The following ADGRF5 variants were observed in gnomAD, a reference collection of about 807,000 sequenced individuals.
The protein encoded by ADGRF5 is adhesion G protein-coupled receptor F5.
Under a neutral mutation model 132.3 loss-of-function variants are expected in ADGRF5, and 75 were observed. The observed-to-expected ratio is 0.57, with a 90% CI of 0.47 to 0.69. The LOEUF (loss-of-function observed/expected upper bound fraction) is 0.69. Ranked by LOEUF, ADGRF5 falls within the 30% of genes least tolerant of loss-of-function variation. The pLI is 0.00. For missense variants in ADGRF5, 1,516 were observed against 1,630.6 expected (o/e 0.93, Z 1.21); for synonymous variants, 629 against 597.6 (o/e 1.05, Z -0.77).
At chr6:46,895,310 T>G (rs957612839) in intron 3 of ADGRF5, among the ~76,000 whole-genome samples, 2 of 151,938 alleles carry the variant, frequency 1.3e-5, no homozygotes, top group Non-Finnish European at 2.9e-5. Flanking sequence ...AATGTCAAGC[T>G]TAAAACCAAC....
Position 46,853,970 on chromosome 6 carries a change from C to G in ADGRF5, c.*22G>C. On this transcript the variant is annotated 3_prime_UTR_variant, in exon 21 of 21. Coordinates refer to ENST00000283296, the MANE Select transcript of ADGRF5 (RefSeq NM_001098518.2). ...CACAGCCACTGTCCCCGGGAGGTCA[C>G]GTAGGTTGGATTATCCTGTTCTTAG... 2 of 1,543,686 alleles carry G rather than the reference C, an allele frequency of 1.3e-6. No homozygotes were observed. The highest frequency in any genetic ancestry group is 1.8e-6 in the Non-Finnish European group (2 of 1,127,020).
intron 6 of ADGRF5, 27 bp from the exon 7 acceptor site, chr6:46,882,134 A>G: frequency 1.8e-5 from 28 of 1,546,188 alleles, no homozygotes; most frequent in Non-Finnish European, 2.4e-5. Flanking sequence ...GATGAATGTC[A>G]TATATCAAAG....
intron 20 of ADGRF5, chr6:46,854,592 G>A (rs1297478402): frequency 2.0e-5 from 10 of 487,958 alleles, no homozygotes; most frequent in Admixed American, 7.1e-5. Flanking sequence ...GAGAATCAGC[G>A]CAGCAAGGAA....
At chr6:46,880,756 T>TAAAA (rs1481772058) in intron 8 of ADGRF5, among the ~76,000 whole-genome samples, 1 of 152,038 alleles carries the variant, frequency 6.6e-6, no homozygotes, top group East Asian at 1.9e-4. Flanking sequence ...GTTTTGGCAG[T>TAAAA]AAAAATCCAT....
At chr6:46,936,909 T>C (rs1026453305) in intron 1 of ADGRF5, among the ~76,000 whole-genome samples, 5 of 152,312 alleles carry the variant, frequency 3.3e-5, no homozygotes, top group African/African-American at 9.6e-5. Flanking sequence ...TCCTGCCCTC[T>C]AGCCACAGAT....
chr6:46,945,484 G>T (rs967500736), intron 1 of ADGRF5, among the ~76,000 whole-genome samples: 3 of 152,170 alleles, frequency 2.0e-5, no homozygotes, highest in Non-Finnish European at 2.9e-5. Context: ...TGTGCTAGGG[G>T]CGAGGAGTAA....
Position 46,888,422 on chromosome 6 carries a change from T to G in ADGRF5, c.241A>C (p.Lys81Gln). ...FENASFLDPI[K>Q]AYLNSLSFPI... Reference sequence around the variant, plus strand: ...AAACTGAGGCTGTTCAAGTAGGCTTTGATAGGATCCAGGAAGGATGCATTT... The same window carrying G: ...AAACTGAGGCTGTTCAAGTAGGCTTGGATAGGATCCAGGAAGGATGCATTT... The change falls in exon 4 of 21, where the codon AAA (lysine) becomes CAA (glutamine). Residue 81 changes from lysine to glutamine, a missense_variant. By Grantham distance (53) the Lys-to-Gln change is moderately conservative. This residue lies in a region of ADGRF5 where 945 missense variants were observed against 929.4 expected (regional missense o/e 1.02). Coordinates refer to ENST00000283296, the MANE Select transcript of ADGRF5 (RefSeq NM_001098518.2). The G allele has an allele frequency of 6.2e-7, 1 of 1,610,464 alleles. No individual in the cohort carries two copies. Among genetic ancestry groups the G allele is most frequent in the Non-Finnish European group, 8.5e-7 (1 of 1,176,612 alleles).
At chr6:46,889,780 GTATATA>G (rs34974726) in intron 3 of ADGRF5, among the ~76,000 whole-genome samples, 5 of 143,188 alleles carry the variant, frequency 3.5e-5, no homozygotes, top group South Asian at 2.2e-4. Context: ...ATGTGTGTGT[GTATATA>G]TATATATATA....
intron 1 of ADGRF5, among the ~76,000 whole-genome samples, chr6:46,918,926 A>G (rs185344270): frequency 4.3e-4 from 65 of 152,364 alleles, no homozygotes; most frequent in Non-Finnish European, 6.2e-4. Context: ...CAGCTGCATT[A>G]TAGAATCACT....
At chr6:46,861,520 T>C (rs1769745656) in intron 15 of ADGRF5, among the ~76,000 whole-genome samples, 2 of 152,208 alleles carry the variant, frequency 1.3e-5, no homozygotes, top group South Asian at 2.1e-4. Context: ...CCCAGGAAAG[T>C]TCCTTCCTCT....
intron 10 of ADGRF5, among the ~76,000 whole-genome samples, chr6:46,877,930 C>T (rs111879205): frequency 3.9e-5 from 6 of 152,262 alleles, no homozygotes; most frequent in African/African-American, 7.2e-5. Context: ...AAAATGCCAT[C>T]GACCTAAGTC....
chr6:46,896,840 C>A (rs1221209323), intron 3 of ADGRF5, among the ~76,000 whole-genome samples: 1 of 151,828 alleles, frequency 6.6e-6, no homozygotes, highest in Non-Finnish European at 1.5e-5. Context: ...ACATGTACAG[C>A]CTTTTTTTCA....
rs1776691137 is a variant in ADGRF5, at chr6:46,919,288, C to G, written c.-25+2425G>C. 2.0e-5 allele frequency among the ~76,000 whole-genome samples: 3 copies of G among 152,138 alleles called. No homozygotes were observed. The South Asian group carries it at 6.2e-4, about 32-fold the overall frequency. On this transcript the variant is annotated intron_variant, in intron 1 of 20. Coordinates refer to ENST00000283296, the MANE Select transcript of ADGRF5 (RefSeq NM_001098518.2). ...ATCTGAGTTTCTTCTCATCTCAGTCCTCCAAAAAAATTCATTGTGCCATTG... is the reference window on the plus strand; with the variant it reads ...ATCTGAGTTTCTTCTCATCTCAGTCGTCCAAAAAAATTCATTGTGCCATTG...
In ADGRF5 at chr6:46,854,082, G is replaced by A; in HGVS notation, c.3962-11C>T. On this transcript the variant is annotated splice_polypyrimidine_tract_variant and intron_variant, in intron 20 of 20. Coordinates refer to ENST00000283296, the MANE Select transcript of ADGRF5 (RefSeq NM_001098518.2). ...AAACATTATACGTTCCTGAAAAACA[G>A]AGCAGCAACTCAGCCTTGAAGACAA... 3.2e-6 allele frequency: 5 copies of A among 1,584,908 alleles called. No homozygotes were observed. The highest frequency in any genetic ancestry group is 3.4e-6 in the Non-Finnish European group (4 of 1,165,652).
Position 46,853,174 on chromosome 6 carries a change from C to T in ADGRF5, c.*818G>A, listed in dbSNP as rs1768670008. 6.6e-6 allele frequency: 1 copy of T among 152,328 alleles called. No individual in the cohort carries two copies. The highest frequency in any genetic ancestry group is 1.5e-5 in the Non-Finnish European group (1 of 68,040). 9.4% of individuals were successfully genotyped at this position (152,328 alleles called of 1,614,324 possible). ...ATGACATATCTTTGTAATACTTCCT[C>T]TGCAGATACATTCACTTAGTTCAAA... On this transcript the variant is annotated 3_prime_UTR_variant, in exon 21 of 21. Coordinates refer to ENST00000283296, the MANE Select transcript of ADGRF5 (RefSeq NM_001098518.2).
chr6:46,896,621 T>A (rs1328839287), intron 3 of ADGRF5, among the ~76,000 whole-genome samples: 6 of 152,032 alleles, frequency 3.9e-5, no homozygotes, highest in Admixed American at 3.9e-4. Context: ...CCTTATTTAA[T>A]CTTCCTAACA....
intron 1 of ADGRF5, among the ~76,000 whole-genome samples, chr6:46,910,453 C>G (rs1775828185): frequency 6.6e-6 from 1 of 152,064 alleles, no homozygotes; most frequent in Admixed American, 6.6e-5. Context: ...TGGGTGCTCA[C>G]TATATTCTAG....
chr6:46,868,733 A>C (rs1770733907), intron 12 of ADGRF5, 150 bp downstream of exon 12: 1 of 587,456 alleles, frequency 1.7e-6, no homozygotes, highest in Non-Finnish European at 3.0e-6. Flanking sequence ...ATCTTCCCTC[A>C]AAGGAATGTT....
chr6:46,870,330 A>G (rs556918550), intron 11 of ADGRF5, among the ~76,000 whole-genome samples: 1 of 151,682 alleles, frequency 6.6e-6, no homozygotes, highest in Non-Finnish European at 1.5e-5. Context: ...TTTTATTTTT[A>G]TTTTTTATTG....
Sources: allele counts gnomAD v4.1 joint callset (sites outside exome capture counted in the v4.1 genomes callset), GRCh38; gene constraint gnomAD v4.1.1; regional missense constraint gnomAD v4.1.1; transcripts MANE v1.5; gene names NCBI Gene and HGNC (gene_info 2026-07-23, HGNC 2026-07-21).